Variants in LY6G6D observed in about 807,000 individuals in gnomAD.
LY6G6D encodes the protein lymphocyte antigen 6 family member G6D.
Under a neutral mutation model 8.5 loss-of-function variants are expected in LY6G6D, and 5 were observed. That is an observed-to-expected ratio of 0.59 (90% confidence interval 0.31 to 1.24). LY6G6D has a LOEUF of 1.24. Among genes scored for constraint, LY6G6D ranks in the 50% most tolerant of loss-of-function variants. The probability of loss-of-function intolerance (pLI) is 0.07; values close to 1 mark genes in which losing one functional copy is unlikely to be tolerated. For synonymous variants in LY6G6D, 65 were observed against 69.6 expected, an observed-to-expected ratio of 0.93 and a Z score of 0.33; for missense variants, 154 against 170.4, an observed-to-expected ratio of 0.90 and a Z score of 0.53.
rs780510018 is a variant in LY6G6D at position 31,717,442 on chromosome 6, T to C, written c.179-139T>C. On this transcript the variant is annotated intron_variant, in intron 2 of 2. Coordinates refer to ENST00000375825, the MANE Select transcript of LY6G6D (RefSeq NM_021246.4). The surrounding 1 kb of genome is among the most constrained non-coding windows in gnomAD (Gnocchi z 5.0). The stretch of plus-strand genomic sequence containing the variant: ...AGTTTACAAGGTCAATGCATTAACT[T>C]TGATCACTTGGTTTCAGGGAGGTGT... The C allele has an allele frequency of 6.2e-7, 1 of 1,600,354 alleles. No homozygotes were observed. The highest frequency in any genetic ancestry group is 8.5e-7 in the Non-Finnish European group (1 of 1,173,028).
In LY6G6D at chr6:31,716,615, A is replaced by T. The variant is rs377548545; in HGVS notation, c.179-966A>T. 5.9e-5 allele frequency among the ~76,000 whole-genome samples: 9 copies of T among 151,802 alleles called. No homozygotes were observed. The East Asian group carries it at 1.4e-3, about 23-fold the overall frequency. On this transcript the variant is annotated intron_variant, in intron 2 of 2. Transcript: ENST00000375825. The surrounding 1 kb of genome is among the most constrained non-coding windows in gnomAD (Gnocchi z 5.1). The stretch of plus-strand genomic sequence containing the variant: ...GGAACAAAATGAGACCCTGTCTCAA[A>T]AATAATAATAATAATAATTTTTAGG...
In LY6G6D at chr6:31,717,819, G is replaced by C. The variant is rs1418402008; in HGVS notation, c.*15G>C. On this transcript the variant is annotated 3_prime_UTR_variant, in exon 3 of 3. Coordinates refer to ENST00000375825, the MANE Select transcript of LY6G6D (RefSeq NM_021246.4). This position sits in a 1 kb window ranked among gnomAD's most constrained non-coding sequence, Gnocchi z 5.0. ...GGAGCGGATAGGGGGAGTAGGAGTA[G>C]AGAAGGGAACAAGGGAGCAAGGGAA... The C allele has an allele frequency of 1.2e-6, 2 of 1,602,414 alleles. No homozygotes were observed. Among genetic ancestry groups the C allele is most frequent in the African/African-American group, 1.3e-5 (1 of 74,916 alleles).
In LY6G6D at chr6:31,717,528, A is replaced by G. The variant is rs1806519878; in HGVS notation, c.179-53A>G. On this transcript the variant is annotated intron_variant, in intron 2 of 2. Transcript: ENST00000375825. The surrounding 1 kb of genome is among the most constrained non-coding windows in gnomAD (Gnocchi z 5.0). ...GAAATCACATCTGCTCTGCCCCAGA[A>G]GGCAAGTCCTGAAGCCAGGAGTCCA... is the stretch of plus-strand genomic sequence containing the variant. 1.9e-6 allele frequency: 3 copies of G among 1,614,028 alleles called. No individual in the cohort carries two copies. The highest frequency in any genetic ancestry group is 2.5e-6 in the Non-Finnish European group (3 of 1,180,004).
At position 31,716,511 on chromosome 6, in the gene LY6G6D, G is replaced by A. The variant is rs1806443963; in HGVS notation, c.178+887G>A. On this transcript the variant is annotated intron_variant, in intron 2 of 2. Coordinates refer to ENST00000375825, the MANE Select transcript of LY6G6D (RefSeq NM_021246.4). The surrounding 1 kb of genome is among the most constrained non-coding windows in gnomAD (Gnocchi z 5.1). The stretch of plus-strand genomic sequence containing the variant: ...GCTTGTAGTCCTAGCTACTCAGGGG[G>A]CTGAAGAGGGAGGATCGCTTGAGCC... Among the ~76,000 whole-genome samples, 1 of 152,178 alleles carries A rather than the reference G, an allele frequency of 6.6e-6. No individual in the cohort carries two copies.
chr6:31,715,634 C>T lies in LY6G6D; in HGVS notation c.178+10C>T. 1 of 1,609,780 alleles carries T rather than the reference C, an allele frequency of 6.2e-7. No homozygotes were observed. Among genetic ancestry groups the T allele is most frequent in the East Asian group, 2.2e-5 (1 of 44,786 alleles). On this transcript the variant is annotated intron_variant, in intron 2 of 2. Coordinates refer to ENST00000375825, the MANE Select transcript of LY6G6D (RefSeq NM_021246.4). ...AAGCTACCTGGAAACCGTGAGTCCT[C>T]AGTTTCTCCCTCTTCCAGCAGCCTT...
Position 31,717,418 on chromosome 6 carries a change from G to C in LY6G6D, c.179-163G>C. The C allele has an allele frequency of 4.5e-6, 7 of 1,563,246 alleles. No individual in the cohort carries two copies. The highest frequency in any genetic ancestry group is 6.1e-6 in the Non-Finnish European group (7 of 1,152,104). On this transcript the variant is annotated intron_variant, in intron 2 of 2. Coordinates refer to ENST00000375825, the MANE Select transcript of LY6G6D (RefSeq NM_021246.4). This position sits in a 1 kb window ranked among gnomAD's most constrained non-coding sequence, Gnocchi z 5.0. The stretch of plus-strand genomic sequence containing the variant: ...TCCTTCTTGCTGCATCACATCAGGA[G>C]TTTACAAGGTCAATGCATTAACTTT...
In LY6G6D at chr6:31,717,198, C is replaced by T. The variant is rs557008319; in HGVS notation, c.179-383C>T. Among the ~76,000 whole-genome samples, 6 of 144,790 alleles carry T rather than the reference C, an allele frequency of 4.1e-5. No individual in the cohort carries two copies. Among genetic ancestry groups the T allele is most frequent in the East Asian group, 2.1e-4 (1 of 4,854 alleles). The allele number at this position is 144,790 out of a possible 152,430, so 95.0% of individuals were successfully genotyped here. ...CCAAGAGGTGGAGGTCGCGGTGAGC[C>T]GAGATCACACCATTGCACTCCAGCT... is the stretch of plus-strand genomic sequence containing the variant. On this transcript the variant is annotated intron_variant, in intron 2 of 2. Coordinates refer to ENST00000375825, the MANE Select transcript of LY6G6D (RefSeq NM_021246.4). This position sits in a 1 kb window ranked among gnomAD's most constrained non-coding sequence, Gnocchi z 5.0.
Position 31,715,482 on chromosome 6 carries a change from C to T in LY6G6D, c.56-20C>T, listed in dbSNP as rs774300199. The stretch of plus-strand genomic sequence containing the variant: ...GGCTCCACCGAGGGCCCAGGTCCAG[C>T]GCCTCTTTTCTCCTGCCAGGAAACC... On this transcript the variant is annotated intron_variant, in intron 1 of 2. Coordinates refer to ENST00000375825, the MANE Select transcript of LY6G6D (RefSeq NM_021246.4). The T allele has an allele frequency of 2.5e-6, 4 of 1,610,900 alleles. No individual in the cohort carries two copies. The highest frequency in any genetic ancestry group is 2.2e-5 in the East Asian group (1 of 44,830).
Position 31,715,536 on chromosome 6 carries a change from C to T in LY6G6D, c.90C>T (p.Ser30=), listed in dbSNP as rs781580632. ...TGCGGTGCTACAACTGTGGTGGAAGCCCCAGCAGTTCTTGCAAAGAGGCCG... is the reference window on the plus strand; with the variant it reads ...TGCGGTGCTACAACTGTGGTGGAAGTCCCAGCAGTTCTTGCAAAGAGGCCG... The part of the protein sequence containing the change: ...NRMRCYNCGG[S]PSSSCKEAVT... Residue 30 remains serine (S), a synonymous_variant, in exon 2 of 3, where the codon AGC becomes AGT. Transcript: ENST00000375825. 4 of 1,612,894 alleles carry T rather than the reference C, an allele frequency of 2.5e-6. No individual in the cohort carries two copies. The African/African-American group carries it at 4.0e-5, about 16-fold the overall frequency.
In LY6G6D at chr6:31,716,850, C is replaced by T. The variant is rs1806468119; in HGVS notation, c.179-731C>T. On this transcript the variant is annotated intron_variant, in intron 2 of 2. Transcript: ENST00000375825. This position sits in a 1 kb window ranked among gnomAD's most constrained non-coding sequence, Gnocchi z 5.1. ...GCTGAGGCAGGAGGATTACTTGAGC[C>T]CAGGAGTTTGAGGCTATAGGGAGGT... Among the ~76,000 whole-genome samples, 1 of 152,006 alleles carries T rather than the reference C, an allele frequency of 6.6e-6. No individual in the cohort carries two copies. Among genetic ancestry groups the T allele is most frequent in the Admixed American group, 6.6e-5 (1 of 15,250 alleles).
Position 31,715,352 on chromosome 6 carries a change from T to G in LY6G6D, c.-4T>G. On this transcript the variant is annotated 5_prime_UTR_variant, in exon 1 of 3. Transcript: ENST00000375825. ...AGAGGCGGTCCTGACACGGGCAGAC[T>G]GCGATGAAACCCCAGTTTGTTGGGA... 6.3e-7 allele frequency: 1 copy of G among 1,595,802 alleles called. No homozygotes were observed. The highest frequency in any genetic ancestry group is 8.5e-7 in the Non-Finnish European group (1 of 1,170,202).
intron 2 of LY6G6D, 55 bp downstream of exon 2, chr6:31,715,679 G>A (rs994284687): frequency 1.3e-6 from 2 of 1,595,672 alleles, no homozygotes; most frequent in Non-Finnish European, 1.7e-6. Flanking sequence ...CCAGCCCCAT[G>A]TCAATCCTTC....
rs1292860270 is a variant in LY6G6D, at chr6:31,717,801, A to C, written c.399A>C (p.Gly133=). ...LTCLLPGLWS[G] ...GTCTCTTGCCAGGACTGTGGAGCGG[A>C]TAGGGGGAGTAGGAGTAGAGAAGGG... is the stretch of plus-strand genomic sequence containing the variant. Residue 133 remains glycine, a synonymous_variant, in exon 3 of 3, where the codon GGA becomes GGC. Coordinates refer to ENST00000375825, the MANE Select transcript of LY6G6D (RefSeq NM_021246.4). The surrounding 1 kb of genome is among the most constrained non-coding windows in gnomAD (Gnocchi z 5.0). 1 of 1,609,670 alleles carries C rather than the reference A, an allele frequency of 6.2e-7. No individual in the cohort carries two copies. The highest frequency in any genetic ancestry group is 8.5e-7 in the Non-Finnish European group (1 of 1,178,524).
In LY6G6D at chr6:31,716,073, A is replaced by G. The variant is rs1240005338; in HGVS notation, c.178+449A>G. Among the ~76,000 whole-genome samples the G allele has an allele frequency of 6.6e-6, 1 of 152,100 alleles. No homozygotes were observed. The highest frequency in any genetic ancestry group is 1.5e-5 in the Non-Finnish European group (1 of 68,026). ...ATACTCAACTTCTCCTAATGCTAAC[A>G]TCTTACATAACCATAGCACAATTAT... On this transcript the variant is annotated intron_variant, in intron 2 of 2. Transcript: ENST00000375825. The surrounding 1 kb of genome is among the most constrained non-coding windows in gnomAD (Gnocchi z 5.1).
Position 31,717,806 on chromosome 6 carries a change from G to C in LY6G6D, c.*2G>C. 6.2e-7 allele frequency: 1 copy of C among 1,607,914 alleles called. No individual in the cohort carries two copies. Among genetic ancestry groups the C allele is most frequent in the South Asian group, 1.1e-5 (1 of 91,004 alleles). The stretch of plus-strand genomic sequence containing the variant: ...TTGCCAGGACTGTGGAGCGGATAGG[G>C]GGAGTAGGAGTAGAGAAGGGAACAA... On this transcript the variant is annotated 3_prime_UTR_variant, in exon 3 of 3. Transcript: ENST00000375825. The surrounding 1 kb of genome is among the most constrained non-coding windows in gnomAD (Gnocchi z 5.0).
At position 31,716,055 on chromosome 6, in the gene LY6G6D, A is replaced by G. The variant is rs1806414701; in HGVS notation, c.178+431A>G. ...GACAGAAAAGTTGCAGAAATACTCA[A>G]CTTCTCCTAATGCTAACATCTTACA... On this transcript the variant is annotated intron_variant, in intron 2 of 2. Transcript: ENST00000375825. The surrounding 1 kb of genome is among the most constrained non-coding windows in gnomAD (Gnocchi z 5.1). Among the ~76,000 whole-genome samples, 1 of 151,898 alleles carries G rather than the reference A, an allele frequency of 6.6e-6. No individual in the cohort carries two copies. The highest frequency in any genetic ancestry group is 1.5e-5 in the Non-Finnish European group (1 of 67,986).
chr6:31,717,478 G>A lies in LY6G6D; in HGVS notation c.179-103G>A. 1.2e-6 allele frequency: 2 copies of A among 1,610,392 alleles called. No individual in the cohort carries two copies. The highest frequency in any genetic ancestry group is 1.7e-6 in the Non-Finnish European group (2 of 1,178,304). Reference sequence around the variant, plus strand: ...GTTTCAGGGAGGTGTTTTTTGAGGGGGCTGAAAATCCCTTTGGGCTCCTTG... The same window carrying A: ...GTTTCAGGGAGGTGTTTTTTGAGGGAGCTGAAAATCCCTTTGGGCTCCTTG... On this transcript the variant is annotated intron_variant, in intron 2 of 2. Transcript: ENST00000375825. The surrounding 1 kb of genome is among the most constrained non-coding windows in gnomAD (Gnocchi z 5.0).
In LY6G6D at chr6:31,717,330, A is replaced by G; in HGVS notation, c.179-251A>G. The G allele has an allele frequency of 1.4e-6, 1 of 700,166 alleles. No homozygotes were observed. Among genetic ancestry groups the G allele is most frequent in the South Asian group, 2.1e-5 (1 of 46,822 alleles). 43.4% of individuals were successfully genotyped at this position (700,166 alleles called of 1,614,324 possible). On this transcript the variant is annotated intron_variant, in intron 2 of 2. Transcript: ENST00000375825. This position sits in a 1 kb window ranked among gnomAD's most constrained non-coding sequence, Gnocchi z 5.0. The stretch of plus-strand genomic sequence containing the variant: ...GTCCCTCGATATTTATTTATCTGAT[A>G]TTTGCCATGATGAGATTGAGGTCAT...
rs1806535292 is a variant in LY6G6D, at chr6:31,717,649, GA to G, written c.248del (p.Glu83GlyfsTer6). ...CCATCATTGCAATCAAGTGGAGACA[GA>G]GTCGGTGGGAGACGTGACTTATCCA... ...AAHHCNQVET[E>X]SVGDVTYPAH... On this transcript the variant is annotated frameshift_variant, in exon 3 of 3. Transcript: ENST00000375825. LOFTEE classifies it low-confidence loss of function (END_TRUNC). The surrounding 1 kb of genome is among the most constrained non-coding windows in gnomAD (Gnocchi z 5.0). 1.2e-6 allele frequency: 2 copies of G among 1,614,188 alleles called. No individual in the cohort carries two copies. The highest frequency in any genetic ancestry group is 1.7e-6 in the Non-Finnish European group (2 of 1,180,026).
Sources: allele counts gnomAD v4.1 joint callset (sites outside exome capture counted in the v4.1 genomes callset), GRCh38; gene constraint gnomAD v4.1.1; non-coding constraint Gnocchi (gnomAD v3.1); transcripts MANE v1.5; gene names NCBI Gene and HGNC (gene_info 2026-07-23, HGNC 2026-07-21).